The following PTPRN2 variants were observed in gnomAD, a reference collection of about 807,000 sequenced individuals.
The protein encoded by PTPRN2 is protein tyrosine phosphatase receptor type N2, also known as receptor-type tyrosine-protein phosphatase N2.
A neutral mutation model predicts 118.8 loss-of-function variants in PTPRN2; 74 were observed. The ratio of observed to expected loss-of-function variants is 0.62; its 90% CI spans 0.52 to 0.76. PTPRN2 has a LOEUF of 0.76. Ranked by LOEUF, PTPRN2 falls within the 30% of genes least tolerant of loss-of-function variation. PTPRN2 has a pLI of 0.00. For missense variants in PTPRN2, 1,481 were observed against 1,394.4 expected (o/e 1.06, Z -0.99); for synonymous variants, 641 against 608.0 (o/e 1.05, Z -0.80).
chr7:158,293,225 A>T (rs1251024851), intron 3 of PTPRN2, among the ~76,000 whole-genome samples: 1 of 152,094 alleles, frequency 6.6e-6, no homozygotes, highest in Non-Finnish European at 1.5e-5. Context: ...AACACTGTAT[A>T]CTTAGGCTAC....
At position 157,993,213 on chromosome 7, in the gene PTPRN2, G is replaced by A. The variant is rs538534798; in HGVS notation, c.1723+88085C>T. Among the ~76,000 whole-genome samples, 4 of 152,158 alleles carry A rather than the reference G, an allele frequency of 2.6e-5. No individual in the cohort carries two copies. The South Asian group carries it at 6.2e-4, about 24-fold the overall frequency. On this transcript the variant is annotated intron_variant, in intron 11 of 22. Transcript: ENST00000389418. ...TTTCTATCAAAACGTAAATAGATTC[G>A]GATTTCTCTGAAGAGCAGGTTTCCT...
chr7:158,280,004 G>A (rs112803861), intron 3 of PTPRN2, among the ~76,000 whole-genome samples: 5,758 of 145,648 alleles, frequency 0.04, 126 homozygotes, highest in African/African-American at 0.056. Flanking sequence ...ACGCCCCACC[G>A]CTGCCCCCGA....
intron 2 of PTPRN2, among the ~76,000 whole-genome samples, chr7:158,410,765 G>A (rs530509314): frequency 2.8e-4 from 43 of 152,188 alleles, no homozygotes; most frequent in African/African-American, 8.2e-4. Flanking sequence ...CCTAAATGTA[G>A]TGATTGACGT....
At chr7:157,924,473 C>T (rs1391232476) in intron 11 of PTPRN2, among the ~76,000 whole-genome samples, 3 of 152,220 alleles carry the variant, frequency 2.0e-5, no homozygotes, top group Non-Finnish European at 4.4e-5. Context: ...CCCTGGACGC[C>T]TCCAAAGGCC....
At chr7:158,207,308 C>A (rs1827234628) in intron 3 of PTPRN2, among the ~76,000 whole-genome samples, 1 of 150,136 alleles carries the variant, frequency 6.7e-6, no homozygotes, top group Non-Finnish European at 1.5e-5. Flanking sequence ...ATTTATAGTC[C>A]TTTGGGTATA....
rs1434923584 is a variant in PTPRN2, at chr7:157,682,902, C to T, written c.1824G>A (p.Glu608=). The change falls in exon 13 of 23, where the codon GAG becomes GAA. Residue 608 remains glutamate (E), a synonymous_variant. Coordinates refer to ENST00000389418, the MANE Select transcript of PTPRN2 (RefSeq NM_002847.5). The part of the protein sequence containing the change: ...SKLKFLPPQA[E]QEDSTKFIAL... ...CGATGAACTTGGTGGAGTCTTCTTG[C>T]TCCGCCTGAGGAGGCAGGAACTTGA... 1 of 1,613,886 alleles carries T rather than the reference C, an allele frequency of 6.2e-7. No individual in the cohort carries two copies. The highest frequency in any genetic ancestry group is 1.3e-5 in the African/African-American group (1 of 74,934).
chr7:157,843,739 C>T (rs905671033), intron 12 of PTPRN2, among the ~76,000 whole-genome samples: 10 of 152,254 alleles, frequency 6.6e-5, no homozygotes, highest in Admixed American at 1.3e-4. Context: ...ATGATACTTA[C>T]GGTTCTATGA....
chr7:157,902,661 C>A (rs777933512), intron 11 of PTPRN2, among the ~76,000 whole-genome samples: 2 of 152,194 alleles, frequency 1.3e-5, no homozygotes, highest in African/African-American at 4.8e-5. Context: ...CCGAGTGTGA[C>A]GCGCGTCAGG....
At chr7:157,605,509 C>T (rs1801951422) in intron 15 of PTPRN2, among the ~76,000 whole-genome samples, 1 of 152,222 alleles carries the variant, frequency 6.6e-6, no homozygotes, top group Non-Finnish European at 1.5e-5. Flanking sequence ...GTTTGTGCTA[C>T]AGCTCTTCTA....
chr7:158,130,095 G>A (rs1818044380), intron 9 of PTPRN2, among the ~76,000 whole-genome samples: 1 of 152,168 alleles, frequency 6.6e-6, no homozygotes, highest in Non-Finnish European at 1.5e-5. Context: ...TACACACTCT[G>A]CGGTTTGAGC....
intron 1 of PTPRN2, among the ~76,000 whole-genome samples, chr7:158,536,786 T>C (rs952392563): frequency 1.6e-4 from 21 of 131,516 alleles, no homozygotes; most frequent in Admixed American, 1.5e-3. Context: ...GAAGACACAA[T>C]GACCTTCCCA....
At position 157,671,954 on chromosome 7, in the gene PTPRN2, C is replaced by T. The variant is rs140808813; in HGVS notation, c.2001+10771G>A. The stretch of plus-strand genomic sequence containing the variant: ...TCTACGCTGTACCCCAAGAAGGGGA[C>T]GGGTGGGGCAGCAGCCCTGGAGGAA... On this transcript the variant is annotated intron_variant, in intron 13 of 22. Coordinates refer to ENST00000389418, the MANE Select transcript of PTPRN2 (RefSeq NM_002847.5). This position sits in a 1 kb window ranked among gnomAD's most constrained non-coding sequence, Gnocchi z 4.1. 4.3e-3 allele frequency among the ~76,000 whole-genome samples: 649 copies of T among 152,072 alleles called. 5 individuals are homozygous for T. Among genetic ancestry groups the T allele is most frequent in the African/African-American group, 0.015 (624 of 41,482 alleles).
At chr7:157,756,396 G>A (rs1801782789) in intron 12 of PTPRN2, among the ~76,000 whole-genome samples, 1 of 151,918 alleles carries the variant, frequency 6.6e-6, no homozygotes, top group African/African-American at 2.4e-5. Context: ...TCAGGTTGAA[G>A]TGATTCTCCT....
chr7:158,059,096 C>A lies in PTPRN2; in HGVS notation c.1723+22202G>T, dbSNP rs189552118. 1.0e-3 allele frequency among the ~76,000 whole-genome samples: 121 copies of A among 115,648 alleles called. 2 individuals are homozygous for A. Among genetic ancestry groups the A allele is most frequent in the African/African-American group, 4.5e-3 (110 of 24,422 alleles). The allele number at this position is 115,648 out of a possible 152,430, so 75.9% of individuals were successfully genotyped here. On this transcript the variant is annotated intron_variant, in intron 11 of 22. Coordinates refer to ENST00000389418, the MANE Select transcript of PTPRN2 (RefSeq NM_002847.5). ...ATCACTGCAGCCACACTCCATCTGC[C>A]CACAGTGAGACACCACTGCAGCCAC...
chr7:157,898,846 A>C (rs1584977470), intron 11 of PTPRN2, 109 bp from the exon 12 acceptor site: 9 of 936,058 alleles, frequency 9.6e-6, no homozygotes, highest in Admixed American at 3.6e-5. Context: ...TGACTGCTTG[A>C]CCCGCCTACC....
intron 10 of PTPRN2, among the ~76,000 whole-genome samples, chr7:158,105,349 A>C (rs1222762146): frequency 6.7e-6 from 1 of 149,468 alleles, no homozygotes; most frequent in Non-Finnish European, 1.5e-5. Flanking sequence ...AGTTTCACTG[A>C]ACTGCATCCG....
At chr7:158,561,779 G>A (rs1487695443) in intron 1 of PTPRN2, among the ~76,000 whole-genome samples, 3 of 152,120 alleles carry the variant, frequency 2.0e-5, no homozygotes, top group Admixed American at 6.5e-5. Context: ...GAGATGGCCC[G>A]GGCCAACACC....
chr7:158,336,634 G>A (rs1275739234), intron 2 of PTPRN2, among the ~76,000 whole-genome samples: 3 of 134,470 alleles, frequency 2.2e-5, no homozygotes, highest in East Asian at 2.4e-4. Context: ...ACATGCAGAC[G>A]TCACTCACAC....
At chr7:158,278,074 C>T (rs1799151191) in intron 3 of PTPRN2, among the ~76,000 whole-genome samples, 1 of 152,190 alleles carries the variant, frequency 6.6e-6, no homozygotes, top group South Asian at 2.1e-4. Flanking sequence ...GGCCGGGGAC[C>T]AAGTATGGCT....
Sources: gnomAD v4.1 joint callset for allele counts (sites outside exome capture counted in the v4.1 genomes callset) on GRCh38, gnomAD v4.1.1 for gene constraint, Gnocchi (gnomAD v3.1) non-coding constraint, MANE v1.5 for transcripts, NCBI Gene and HGNC (gene_info 2026-07-23, HGNC 2026-07-21) for gene names.